FGF14: variants seen among roughly 807,000 people sequenced by gnomAD.
FGF14 encodes fibroblast growth factor homologous factor 4.
A neutral mutation model predicts 25.5 loss-of-function variants in FGF14; 5 were observed. The ratio of observed to expected loss-of-function variants is 0.20; its 90% CI spans 0.10 to 0.41. The LOEUF (loss-of-function observed/expected upper bound fraction) is 0.41. Among genes scored for constraint, FGF14 ranks in the 10% least tolerant of loss-of-function variants. FGF14 has a pLI of 1.00. For synonymous variants in FGF14, 138 were observed against 118.3 expected, an observed-to-expected ratio of 1.17 and a Z score of -1.08; for missense variants, 222 against 320.1, an observed-to-expected ratio of 0.69 and a Z score of 2.34.
intron 1 of FGF14, among the ~76,000 whole-genome samples, chr13:102,242,200 T>C (rs1182712126): frequency 1.3e-5 from 2 of 152,154 alleles, no homozygotes; most frequent in Non-Finnish European, 2.9e-5. Flanking sequence ...TAACTCCCTC[T>C]TTCTTGAATA....
intron 1 of FGF14, among the ~76,000 whole-genome samples, chr13:102,015,038 G>A (rs1351254676): frequency 6.6e-6 from 1 of 152,160 alleles, no homozygotes; most frequent in Non-Finnish European, 1.5e-5. Context: ...CTCCCATATA[G>A]CTGGGATTAC....
At position 101,893,637 on chromosome 13, in the gene FGF14, T is replaced by C. The variant is rs144284642; in HGVS notation, c.194-18341A>G. Among the ~76,000 whole-genome samples, 659 of 152,186 alleles carry C rather than the reference T, an allele frequency of 4.3e-3. 3 individuals carry two copies. The highest frequency in any genetic ancestry group is 0.015 in the African/African-American group (625 of 41,522). On this transcript the variant is annotated intron_variant, in intron 1 of 4. Transcript: ENST00000376143. ...TAATTATCAGAAAAATGCAACATTG[T>C]TGACCTTGAAGTTCAAGGAAAGTGC...
intron 3 of FGF14, among the ~76,000 whole-genome samples, chr13:101,852,201 C>T (rs1380127701): frequency 6.6e-6 from 1 of 151,990 alleles, no homozygotes. Context: ...TTCTGAAATG[C>T]CAGCCACCGA....
intron 1 of FGF14, among the ~76,000 whole-genome samples, chr13:102,227,085 T>C (rs2050858022): frequency 6.6e-6 from 1 of 152,144 alleles, no homozygotes; most frequent in African/African-American, 2.4e-5. Flanking sequence ...CTGGCCATTT[T>C]TCTTCCCAGT....
chr13:102,161,681 A>G (rs1320294193), intron 1 of FGF14, among the ~76,000 whole-genome samples: 199 of 52,170 alleles, frequency 3.8e-3, no homozygotes, highest in African/African-American at 1.1e-3. Context: ...AAGAAGAAGA[A>G]GAAGAAGAAG....
chr13:101,739,113 A>G (rs200835271), intron 3 of FGF14, among the ~76,000 whole-genome samples: 2 of 8,106 alleles, frequency 2.5e-4, no homozygotes, highest in Non-Finnish European at 9.7e-4. Context: ...ATATACATGT[A>G]TATATATATA....
At chr13:102,195,256 G>A (rs1449311095) in intron 1 of FGF14, among the ~76,000 whole-genome samples, 2 of 152,004 alleles carry the variant, frequency 1.3e-5, no homozygotes, top group African/African-American at 4.8e-5. Flanking sequence ...TTTTTTCCCT[G>A]TTTATTTAAA....
chr13:102,206,529 A>C (rs1355734816), intron 1 of FGF14, among the ~76,000 whole-genome samples: 1 of 152,026 alleles, frequency 6.6e-6, no homozygotes, highest in Non-Finnish European at 1.5e-5. Context: ...AAAAAATACA[A>C]AATTAGCCAG....
At chr13:101,759,843 C>A (rs2037900657) in intron 3 of FGF14, among the ~76,000 whole-genome samples, 1 of 152,042 alleles carries the variant, frequency 6.6e-6, no homozygotes, top group Non-Finnish European at 1.5e-5. Context: ...CCCTTTTCTG[C>A]AGAGGTAGAA....
At chr13:101,724,753 C>T (rs1054540664) in intron 4 of FGF14, among the ~76,000 whole-genome samples, 6 of 151,036 alleles carry the variant, frequency 4.0e-5, no homozygotes, top group Middle Eastern at 3.5e-3. Flanking sequence ...TAATTTTCCT[C>T]TATCAAGTAA....
intron 1 of FGF14, among the ~76,000 whole-genome samples, chr13:101,977,924 C>A (rs529205665): frequency 2.1e-5 from 3 of 143,836 alleles, no homozygotes; most frequent in South Asian, 2.2e-4. Context: ...TAATGTAAAA[C>A]AGCCATTTCT....
chr13:102,180,696 T>A (rs1428936484), intron 1 of FGF14, among the ~76,000 whole-genome samples: 1 of 152,212 alleles, frequency 6.6e-6, no homozygotes, highest in East Asian at 1.9e-4. Flanking sequence ...AATATTATTC[T>A]GTTATTAGTA....
At chr13:102,108,586 G>A (rs1230317659) in intron 1 of FGF14, among the ~76,000 whole-genome samples, 3 of 152,164 alleles carry the variant, frequency 2.0e-5, no homozygotes, top group African/African-American at 7.2e-5. Flanking sequence ...CCAAAGGTTA[G>A]GTGTATATTT....
chr13:101,729,873 A>G (rs746339082), intron 3 of FGF14, among the ~76,000 whole-genome samples: 9 of 152,192 alleles, frequency 5.9e-5, no homozygotes, highest in Non-Finnish European at 1.3e-4. Context: ...TGACAGAACA[A>G]TATAATATTT....
chr13:102,332,107 C>T (rs17590168), intron 1 of FGF14, among the ~76,000 whole-genome samples: 31,145 of 151,884 alleles, frequency 0.21, 3,239 homozygotes, highest in Non-Finnish European at 0.22. Flanking sequence ...TTGTACTAAA[C>T]GGCAGAGTCA....
intron 1 of FGF14, among the ~76,000 whole-genome samples, chr13:101,934,086 A>G (rs1351486014): frequency 6.6e-6 from 1 of 152,246 alleles, no homozygotes. Flanking sequence ...TAGCAAGAAA[A>G]TAATGGGAAG....
intron 3 of FGF14, among the ~76,000 whole-genome samples, chr13:101,790,905 T>G (rs1297845480): frequency 6.6e-6 from 1 of 152,204 alleles, no homozygotes; most frequent in African/African-American, 2.4e-5. Context: ...GTACCAACTA[T>G]AACGTGAATT....
At chr13:102,355,534 C>CCTA (rs1484254869) in intron 1 of FGF14, among the ~76,000 whole-genome samples, 1 of 149,748 alleles carries the variant, frequency 6.7e-6, no homozygotes, top group East Asian at 1.9e-4. Context: ...GGAATGTTTG[C>CCTA]CTTAGGACAG....
chr13:102,013,654 T>C (rs1031745533), intron 1 of FGF14, among the ~76,000 whole-genome samples: 3 of 152,224 alleles, frequency 2.0e-5, no homozygotes, highest in African/African-American at 7.2e-5. Flanking sequence ...AGTGATTTCC[T>C]AGGCTTAATC....
Sources: gnomAD v4.1 joint callset for allele counts (sites outside exome capture counted in the v4.1 genomes callset) on GRCh38, gnomAD v4.1.1 for gene constraint, MANE v1.5 for transcripts, NCBI Gene and HGNC (gene_info 2026-07-23, HGNC 2026-07-21) for gene names.